URB1: variants seen among roughly 807,000 people sequenced by gnomAD.
URB1 encodes the protein nucleolar pre-ribosomal-associated protein 1.
URB1 carries 197 observed loss-of-function variants against 242.3 expected under a neutral mutation model. That is an observed-to-expected ratio of 0.81 (90% CI 0.72 to 0.91). The LOEUF is 0.91. Among genes scored for constraint, URB1 ranks in the 40% least tolerant of loss-of-function variants. URB1 has a pLI of 0.00. For missense variants in URB1, 2,721 were observed against 2,860.5 expected, an observed-to-expected ratio of 0.95 and a Z score of 1.11; for synonymous variants, 1,153 against 1,201.8, an observed-to-expected ratio of 0.96 and a Z score of 0.84.
intron 1 of URB1, among the ~76,000 whole-genome samples, chr21:32,391,415 T>C (rs370036935): frequency 5.9e-5 from 9 of 152,222 alleles, no homozygotes; most frequent in South Asian, 2.1e-4. Context: ...GAGCCTTCTT[T>C]GAGCTCCCAG....
Position 32,347,059 on chromosome 21 carries a change from A to G in URB1, c.3765T>C (p.Ala1255=). ...CCCCCTGGAGGCCGAGCCCTGGGCCAGCCTGCAGGCACCACTGCTCGAACC... is the reference window on the plus strand; with the variant it reads ...CCCCCTGGAGGCCGAGCCCTGGGCCGGCCTGCAGGCACCACTGCTCGAACC... ...LLWFEQWCLQ[A]GPGLGLQGDL... The change falls in exon 22 of 39, where the codon GCT becomes GCC. Residue 1255 remains alanine (A), a synonymous_variant. Transcript: ENST00000382751. 1 of 1,550,442 alleles carries G rather than the reference A, an allele frequency of 6.4e-7. No homozygotes were observed. Among genetic ancestry groups the G allele is most frequent in the Non-Finnish European group, 8.7e-7 (1 of 1,146,448 alleles).
intron 4 of URB1, among the ~76,000 whole-genome samples, chr21:32,379,994 T>C (rs999235061): frequency 2.6e-5 from 4 of 151,198 alleles, no homozygotes; most frequent in Non-Finnish European, 4.4e-5. Context: ...AAAAAAAAAA[T>C]TTCACTCGAG....
chr21:32,345,610 C>G, intron 22 of URB1, 35 bp from the exon 23 acceptor site: 1 of 1,502,602 alleles, frequency 6.7e-7, no homozygotes, highest in Non-Finnish European at 9.0e-7. Flanking sequence ...GTCATCACAC[C>G]CAATGGTGGG....
At chr21:32,344,517 G>A in intron 24 of URB1, 53 bp downstream of exon 24, 1 of 1,530,526 alleles carries the variant, frequency 6.5e-7, no homozygotes, top group East Asian at 2.4e-5. Context: ...GGTTTGTCTA[G>A]CATACTCTTT....
rs377248788 is a variant in URB1 at position 32,377,505 on chromosome 21, T to C, written c.664+940A>G. Among the ~76,000 whole-genome samples the C allele has an allele frequency of 5.4e-4, 82 of 151,526 alleles. 1 individual carries two copies. In the South Asian group the frequency reaches 0.017, roughly 31 times the overall value. ...TACTGGCCCTGGCAGCAGCAAGATA[T>C]CCTGAACCTAGTGCCTGGTAACAAG... On this transcript the variant is annotated intron_variant, in intron 5 of 38. Transcript: ENST00000382751.
intron 34 of URB1, among the ~76,000 whole-genome samples, chr21:32,321,022 G>A: frequency 6.6e-6 from 1 of 152,364 alleles, no homozygotes; most frequent in African/African-American, 2.4e-5. Flanking sequence ...ATGCGGCCCT[G>A]TGTTTACCAC....
At chr21:32,325,623 A>C (rs934499262) in intron 30 of URB1, among the ~76,000 whole-genome samples, 1 of 152,174 alleles carries the variant, frequency 6.6e-6, no homozygotes, top group African/African-American at 2.4e-5. Context: ...CATACATCCC[A>C]ACCAGGATAA....
At chr21:32,370,112 G>A (rs1264080866) in intron 8 of URB1, among the ~76,000 whole-genome samples, 1 of 151,788 alleles carries the variant, frequency 6.6e-6, no homozygotes, top group African/African-American at 2.4e-5. Context: ...AGTCTTTTTA[G>A]AAAATATGCC....
rs1351883869 is a variant in URB1, at chr21:32,357,794, A to C, written c.1870-138T>G. On this transcript the variant is annotated intron_variant, in intron 14 of 38. Coordinates refer to ENST00000382751, the MANE Select transcript of URB1 (RefSeq NM_014825.3). ...TGTAATCTCAGCACTTTGGGAGGCC[A>C]AAGTGGGCAGATCACCTGAGGTCAC... is the stretch of plus-strand genomic sequence containing the variant. 15 of 606,140 alleles carry C rather than the reference A, an allele frequency of 2.5e-5. No individual in the cohort carries two copies. The East Asian group carries it at 9.0e-4, about 36-fold the overall frequency. The allele number at this position is 606,140 out of a possible 1,614,324, so 37.5% of individuals were successfully genotyped here. A position where few individuals can be genotyped will look rare whatever the true frequency, so the allele number is the denominator to read the frequency against.
chr21:32,354,111 A>C lies in URB1; in HGVS notation c.2246-8T>G. On this transcript the variant is annotated splice_polypyrimidine_tract_variant and splice_region_variant and intron_variant, in intron 17 of 38. Transcript: ENST00000382751. ...CCACCATGTCGAGAACATCTGAGAC[A>C]GAAAGAGGAGAATCCAGCTGATGTG... 1 of 1,551,620 alleles carries C rather than the reference A, an allele frequency of 6.4e-7. No individual in the cohort carries two copies.
Position 32,317,793 on chromosome 21 carries a change from G to A in URB1, c.5917C>T (p.Leu1973Phe). 1 of 1,551,980 alleles carries A rather than the reference G, an allele frequency of 6.4e-7. No homozygotes were observed. Among genetic ancestry groups the A allele is most frequent in the Non-Finnish European group, 8.7e-7 (1 of 1,147,054 alleles). ...MNRFTVNETVLSTKDVLVLLH... is the reference protein window; with the variant it reads ...MNRFTVNETVFSTKDVLVLLH... ...AGGACAAGGACGTCCTTGGTGGAAA[G>A]CACTGTCTCATTTACGGTGAATCTG... The change falls in exon 37 of 39, where the codon CTT (leucine) becomes TTT (phenylalanine). Residue 1973 changes from leucine to phenylalanine, a missense_variant. Leu to Phe is a conservative substitution (Grantham distance 22, BLOSUM62 0). Coordinates refer to ENST00000382751, the MANE Select transcript of URB1 (RefSeq NM_014825.3).
chr21:32,339,547 G>A (rs1023321941), intron 25 of URB1, among the ~76,000 whole-genome samples: 2 of 149,066 alleles, frequency 1.3e-5, no homozygotes, highest in African/African-American at 5.0e-5. Context: ...CTGGAGTGCA[G>A]TGGCATGATC....
At chr21:32,385,788 C>T in intron 1 of URB1, 104 bp from the exon 2 acceptor site, 1 of 1,378,112 alleles carries the variant, frequency 7.3e-7, no homozygotes, top group Non-Finnish European at 9.8e-7. Context: ...CTTCCCCGAT[C>T]CACCTACACT....
chr21:32,359,145 A>G (rs889281334), intron 14 of URB1, among the ~76,000 whole-genome samples: 6 of 152,232 alleles, frequency 3.9e-5, no homozygotes, highest in African/African-American at 1.4e-4. Context: ...ATAAGATCTA[A>G]GTCATTAAAA....
chr21:32,316,721 T>C lies in URB1; in HGVS notation c.6379A>G (p.Ser2127Gly). 2 of 1,551,318 alleles carry C rather than the reference T, an allele frequency of 1.3e-6. No individual in the cohort carries two copies. The highest frequency in any genetic ancestry group is 1.7e-6 in the Non-Finnish European group (2 of 1,146,888). The change falls in exon 38 of 39, where the codon AGC becomes GGC. Residue 2127 changes from serine to glycine, a missense_variant. Coordinates refer to ENST00000382751, the MANE Select transcript of URB1 (RefSeq NM_014825.3). ...ACCACAGGGTGTGGCAAAATATGGC[T>C]CTTAAGCCAGCCAATGAGTCCTGCA... ...EAAGLIGWLK[S>G]HILPHPVVVA...
Position 32,361,929 on chromosome 21 carries a change from G to C in URB1, c.1602C>G (p.Ser534Arg), listed in dbSNP as rs748524385. The C allele has an allele frequency of 5.2e-6, 8 of 1,551,336 alleles. No individual in the cohort carries two copies. The highest frequency in any genetic ancestry group is 1.7e-4 in the Middle Eastern group (1 of 5,958). ...CATCGCAGGCAGCCGGGGGCCCATC[G>C]CTCCTTTTCTGCCCTTTCTTGTCAT... ...KQDDKKGQKR[S>R]DGPPAACDAH... Residue 534 changes from serine to arginine, a missense_variant, in exon 12 of 39, where the codon AGC becomes AGG. Coordinates refer to ENST00000382751, the MANE Select transcript of URB1 (RefSeq NM_014825.3).
In URB1 at chr21:32,338,700, G is replaced by C. The variant is rs1409875753; in HGVS notation, c.4510+7C>G. ...TACGGAATGGAAGGGCTGGGGTGAG[G>C]GGTCACCTTTTACTTGGCTGTCCGG... On this transcript the variant is annotated splice_region_variant and intron_variant, in intron 26 of 38. Transcript: ENST00000382751. 6.4e-7 allele frequency: 1 copy of C among 1,550,762 alleles called. No homozygotes were observed. The highest frequency in any genetic ancestry group is 1.9e-4 in the Middle Eastern group (1 of 5,392).
chr21:32,379,257 C>T (rs917535995), intron 4 of URB1, among the ~76,000 whole-genome samples: 12 of 152,212 alleles, frequency 7.9e-5, no homozygotes, highest in African/African-American at 2.9e-4. Context: ...CATCACTCCT[C>T]GTTTTGTATC....
At chr21:32,381,866 T>C (rs58442230) in intron 4 of URB1, among the ~76,000 whole-genome samples, 5,348 of 152,220 alleles carry the variant, frequency 0.035, 140 homozygotes, top group Middle Eastern at 0.061. Context: ...GGTACAGGGG[T>C]TCCTCACGCT....
Sources: gnomAD v4.1 joint callset for allele counts (sites outside exome capture counted in the v4.1 genomes callset) on GRCh38, gnomAD v4.1.1 for gene constraint, MANE v1.5 for transcripts, NCBI Gene and HGNC (gene_info 2026-07-23, HGNC 2026-07-21) for gene names.